The following RORB variants were observed in gnomAD, a reference collection of about 807,000 sequenced individuals.
RORB encodes the protein RAR related orphan receptor B.
Under a neutral mutation model 59.1 loss-of-function variants are expected in RORB, and 6 were observed. The ratio of observed to expected loss-of-function variants is 0.10; its 90% CI spans 0.06 to 0.20. The LOEUF (loss-of-function observed/expected upper bound fraction) is 0.20. Among genes scored for constraint, RORB ranks in the 10% least tolerant of loss-of-function variants. The pLI, the probability that RORB is intolerant of heterozygous loss-of-function variation, is 1.00. For synonymous variants in RORB, 215 were observed against 204.5 expected, an observed-to-expected ratio of 1.05 and a Z score of -0.44; for missense variants, 320 against 560.5, an observed-to-expected ratio of 0.57 and a Z score of 4.33.
At chr9:74,539,945 C>CA (rs1826379354) in intron 1 of RORB, among the ~76,000 whole-genome samples, 3 of 149,288 alleles carry the variant, frequency 2.0e-5, no homozygotes, top group East Asian at 2.0e-4. Context: ...ATCTCCCAGA[C>CA]AAAAAAGCAA....
At chr9:74,541,136 C>T (rs1005999107) in intron 1 of RORB, among the ~76,000 whole-genome samples, 10 of 151,628 alleles carry the variant, frequency 6.6e-5, no homozygotes, top group Middle Eastern at 3.4e-3. Context: ...TAAAAGTAGC[C>T]GGGTGTGGTG....
In RORB at chr9:74,688,806, C is replaced by G. The variant is rs1023900693; in HGVS notation, c.*3188C>G. 5.3e-5 allele frequency: 8 copies of G among 152,142 alleles called. No homozygotes were observed. The highest frequency in any genetic ancestry group is 8.8e-5 in the Non-Finnish European group (6 of 68,028). 9.4% of individuals were successfully genotyped at this position (152,142 alleles called of 1,614,324 possible). A position where few individuals can be genotyped will look rare whatever the true frequency, so the allele number is the denominator to read the frequency against. On this transcript the variant is annotated 3_prime_UTR_variant, in exon 10 of 10. Transcript: ENST00000376896. ...ACTTGGTCTCATTTTCTAAACTCTG[C>G]TAAGAGCCAAATAATCTAGCTGTCC...
chr9:74,554,570 A>G (rs1340864670), intron 1 of RORB, among the ~76,000 whole-genome samples: 1 of 102,444 alleles, frequency 9.8e-6, no homozygotes, highest in Non-Finnish European at 2.0e-5. Context: ...TGCAATTTGA[A>G]TAACTTAAAA....
intron 1 of RORB, among the ~76,000 whole-genome samples, chr9:74,600,806 T>C (rs1823043343): frequency 6.6e-6 from 1 of 152,200 alleles, no homozygotes. Flanking sequence ...TCTAAAATAA[T>C]GTATAGTTTA....
At chr9:74,606,865 A>T (rs991523022) in intron 1 of RORB, among the ~76,000 whole-genome samples, 1 of 152,192 alleles carries the variant, frequency 6.6e-6, no homozygotes, top group Non-Finnish European at 1.5e-5. Flanking sequence ...AAATGAACCA[A>T]ACCTACACAT....
chr9:74,684,212 A>G (rs1824597153), intron 9 of RORB, among the ~76,000 whole-genome samples: 1 of 152,214 alleles, frequency 6.6e-6, no homozygotes, highest in Admixed American at 6.5e-5. Flanking sequence ...AAGTTAATGA[A>G]AGAGTGGAAG....
At chr9:74,657,182 A>G (rs1384415996) in intron 4 of RORB, among the ~76,000 whole-genome samples, 1 of 152,184 alleles carries the variant, frequency 6.6e-6, no homozygotes, top group African/African-American at 2.4e-5. Context: ...AGTAGCTGGA[A>G]TTACAGGCAC....
At chr9:74,526,778 A>C (rs1011534047) in intron 1 of RORB, among the ~76,000 whole-genome samples, 4 of 151,958 alleles carry the variant, frequency 2.6e-5, no homozygotes, top group Non-Finnish European at 5.9e-5. Flanking sequence ...CAAACATGGG[A>C]GATGCTCATG....
At position 74,526,203 on chromosome 9, in the gene RORB, C is replaced by A. The variant is rs758097166; in HGVS notation, c.7+28220C>A. ...GTAACAGAGGGACCCAATAATTTAA[C>A]AAACATCCACTTTCACTTTCACAAA... On this transcript the variant is annotated intron_variant, in intron 1 of 9. Coordinates refer to ENST00000376896, the MANE Select transcript of RORB (RefSeq NM_006914.4). Among the ~76,000 whole-genome samples, 111 of 152,050 alleles carry A rather than the reference C, an allele frequency of 7.3e-4. 2 individuals are homozygous for A. Among genetic ancestry groups the A allele is most frequent in the Non-Finnish European group, 1.4e-3 (92 of 67,914 alleles).
intron 1 of RORB, among the ~76,000 whole-genome samples, chr9:74,609,434 A>G (rs779297142): frequency 1.4e-4 from 22 of 152,328 alleles, no homozygotes; most frequent in South Asian, 2.1e-4. Context: ...ATGAATGGAC[A>G]CAAAATTTCT....
chr9:74,641,190 A>AAGGT (rs1385663400), intron 3 of RORB, among the ~76,000 whole-genome samples: 1 of 151,746 alleles, frequency 6.6e-6, no homozygotes, highest in Non-Finnish European at 1.5e-5. Flanking sequence ...TAATTCAAAC[A>AAGGT]AGGTAGGCCT....
At chr9:74,521,114 A>G (rs924311705) in intron 1 of RORB, among the ~76,000 whole-genome samples, 3 of 151,932 alleles carry the variant, frequency 2.0e-5, no homozygotes, top group East Asian at 1.9e-4. Context: ...CACTGCATTA[A>G]TCACCAAGCT....
At chr9:74,660,111 G>A (rs1347505720) in intron 4 of RORB, among the ~76,000 whole-genome samples, 1 of 151,860 alleles carries the variant, frequency 6.6e-6, no homozygotes, top group African/African-American at 2.4e-5. Flanking sequence ...CCTTGTCTCT[G>A]CATTCTGTTC....
chr9:74,511,742 G>T (rs1298146173), intron 1 of RORB, among the ~76,000 whole-genome samples: 11 of 149,048 alleles, frequency 7.4e-5, no homozygotes, highest in Non-Finnish European at 1.6e-4. Context: ...ATGATAATAA[G>T]GTTAAAGTTG....
intron 1 of RORB, among the ~76,000 whole-genome samples, chr9:74,530,498 T>C (rs769650800): frequency 6.6e-6 from 1 of 152,006 alleles, no homozygotes; most frequent in Non-Finnish European, 1.5e-5. Context: ...ATGGACCAAG[T>C]AGAGGAAAAA....
chr9:74,536,470 A>G (rs1219306863), intron 1 of RORB, among the ~76,000 whole-genome samples: 5 of 152,094 alleles, frequency 3.3e-5, no homozygotes, highest in Non-Finnish European at 5.9e-5. Context: ...TTGGAAATAC[A>G]TTAACTGAAA....
intron 9 of RORB, 145 bp from the exon 10 acceptor site, chr9:74,685,318 A>C (rs997171058): frequency 3.1e-6 from 2 of 645,086 alleles, no homozygotes; most frequent in Non-Finnish European, 5.0e-6. Flanking sequence ...GTAAGAGAAA[A>C]GCTGAAAGTG....
chr9:74,650,960 T>C (rs1432412919), intron 4 of RORB, among the ~76,000 whole-genome samples: 1 of 152,136 alleles, frequency 6.6e-6, no homozygotes, highest in Non-Finnish European at 1.5e-5. Context: ...TAACAATCAA[T>C]CCATATGTCA....
At chr9:74,672,769 G>A (rs1447638814) in intron 9 of RORB, among the ~76,000 whole-genome samples, 1 of 152,130 alleles carries the variant, frequency 6.6e-6, no homozygotes. Flanking sequence ...AAGTATCTTT[G>A]ATTTCTTAAG....
Sources: gnomAD v4.1 joint callset for allele counts (sites outside exome capture counted in the v4.1 genomes callset) on GRCh38, gnomAD v4.1.1 for gene constraint, MANE v1.5 for transcripts, NCBI Gene and HGNC (gene_info 2026-07-23, HGNC 2026-07-21) for gene names.